Variants in MAP3K5 observed in about 807,000 individuals in gnomAD.
MAP3K5 encodes the protein ASK-1.
In MAP3K5, 56 loss-of-function variants were observed where a neutral mutation model predicts 158.7. The observed-to-expected ratio is 0.35, with a 90% CI of 0.28 to 0.44. The LOEUF (loss-of-function observed/expected upper bound fraction) is 0.44. Among genes scored for constraint, MAP3K5 ranks in the 20% least tolerant of loss-of-function variants. MAP3K5 has a pLI of 1.00. For missense variants in MAP3K5, 1,294 were observed against 1,674.8 expected, an observed-to-expected ratio of 0.77 and a Z score of 3.97; for synonymous variants, 579 against 601.7, an observed-to-expected ratio of 0.96 and a Z score of 0.55.
intron 8 of MAP3K5, among the ~76,000 whole-genome samples, chr6:136,665,600 C>T (rs1384948800): frequency 6.6e-6 from 1 of 152,128 alleles, no homozygotes; most frequent in African/African-American, 2.4e-5. Context: ...CCCGCCTCCG[C>T]CTCCCAAAGT....
chr6:136,617,056 T>C (rs573298229), intron 15 of MAP3K5, among the ~76,000 whole-genome samples: 1 of 152,250 alleles, frequency 6.6e-6, no homozygotes, highest in East Asian at 1.9e-4. Flanking sequence ...CACCTCCTGA[T>C]TCTCTACTGA....
chr6:136,735,924 C>CA, intron 1 of MAP3K5, among the ~76,000 whole-genome samples: 1 of 152,030 alleles, frequency 6.6e-6, no homozygotes, highest in Non-Finnish European at 1.5e-5. Context: ...CATTCCTTAT[C>CA]AAAAAAGCAT....
At chr6:136,635,163 T>C (rs1002791796) in intron 14 of MAP3K5, among the ~76,000 whole-genome samples, 3 of 151,790 alleles carry the variant, frequency 2.0e-5, no homozygotes, top group Non-Finnish European at 4.4e-5. Flanking sequence ...ATTTGTAACA[T>C]TGAAGAATAC....
intron 1 of MAP3K5, among the ~76,000 whole-genome samples, chr6:136,738,693 T>C (rs1014470111): frequency 1.3e-5 from 2 of 152,144 alleles, no homozygotes; most frequent in South Asian, 4.1e-4. Flanking sequence ...ATATGTATAT[T>C]AGCCATCAGA....
At chr6:136,743,803 TA>T (rs1562665756) in intron 1 of MAP3K5, among the ~76,000 whole-genome samples, 6 of 152,154 alleles carry the variant, frequency 3.9e-5, no homozygotes, top group Admixed American at 2.6e-4. Context: ...TTTCAGGATG[TA>T]AGTGGATAAA....
At chr6:136,749,287 C>T (rs914784714) in intron 1 of MAP3K5, among the ~76,000 whole-genome samples, 4 of 151,330 alleles carry the variant, frequency 2.6e-5, no homozygotes, top group Non-Finnish European at 5.9e-5. Flanking sequence ...GTAGGAGAAT[C>T]GCTTGAACCT....
chr6:136,692,540 G>GT (rs1416862620), intron 7 of MAP3K5, among the ~76,000 whole-genome samples: 1 of 152,094 alleles, frequency 6.6e-6, no homozygotes, highest in Non-Finnish European at 1.5e-5. Flanking sequence ...AACCTTTCCA[G>GT]TTTCTAGCTA....
intron 1 of MAP3K5, among the ~76,000 whole-genome samples, chr6:136,736,698 T>C (rs1469778271): frequency 6.6e-6 from 1 of 152,010 alleles, no homozygotes; most frequent in Non-Finnish European, 1.5e-5. Flanking sequence ...AAAACTAATG[T>C]TGTTGTTTTA....
At chr6:136,711,833 G>T (rs1225785416) in intron 2 of MAP3K5, among the ~76,000 whole-genome samples, 1 of 152,056 alleles carries the variant, frequency 6.6e-6, no homozygotes, top group African/African-American at 2.4e-5. Flanking sequence ...ATAGGAGGAG[G>T]TATTAATAAA....
At position 136,601,053 on chromosome 6, in the gene MAP3K5, A is replaced by C; in HGVS notation, c.2858-11T>G. ...ATCCAGCTGAAAGAGCTGTGGAAAG[A>C]AAAGCAAACAGCCATGAATAAGCAC... On this transcript the variant is annotated splice_polypyrimidine_tract_variant and intron_variant, in intron 20 of 29. Coordinates refer to ENST00000359015, the MANE Select transcript of MAP3K5 (RefSeq NM_005923.4). 6.2e-7 allele frequency: 1 copy of C among 1,613,850 alleles called. No homozygotes were observed. The highest frequency in any genetic ancestry group is 1.3e-5 in the African/African-American group (1 of 75,056).
intron 7 of MAP3K5, among the ~76,000 whole-genome samples, chr6:136,676,031 G>A (rs1779689095): frequency 6.6e-6 from 1 of 152,146 alleles, no homozygotes; most frequent in Non-Finnish European, 1.5e-5. Context: ...AAAATCACAT[G>A]TAAGCATGAC....
intron 7 of MAP3K5, among the ~76,000 whole-genome samples, chr6:136,685,058 G>GT (rs1387296365): frequency 6.6e-6 from 1 of 152,142 alleles, no homozygotes; most frequent in African/African-American, 2.4e-5. Context: ...GCTCACGCCT[G>GT]TAATCCCAGC....
rs771035804 is a variant in MAP3K5 at position 136,611,309 on chromosome 6, T to C, written c.2494A>G (p.Ile832Val). The C allele has an allele frequency of 2.5e-6, 4 of 1,613,144 alleles. No homozygotes were observed. The highest frequency in any genetic ancestry group is 1.7e-5 in the Admixed American group (1 of 59,986). ...GTAAAAGTTTCAGTACAGGGGTTTA[T>C]GCCAGCAAGCCTCTTTGATGTTCCG... ...DFGTSKRLAG[I>V]NPCTETFTGT... The change falls in exon 18 of 30, where the codon ATA (isoleucine) becomes GTA (valine). Residue 832 changes from isoleucine to valine, a missense_variant. Ile to Val is a conservative substitution (Grantham distance 29, BLOSUM62 3). Transcript: ENST00000359015.
chr6:136,674,493 A>C (rs995877238), intron 7 of MAP3K5, among the ~76,000 whole-genome samples: 5 of 152,014 alleles, frequency 3.3e-5, no homozygotes, highest in African/African-American at 1.2e-4. Flanking sequence ...GAGAAAATGT[A>C]ATACTAAGTT....
At chr6:136,639,439 C>A in intron 13 of MAP3K5, 104 bp downstream of exon 13, 2 of 581,978 alleles carry the variant, frequency 3.4e-6, no homozygotes, top group Non-Finnish European at 6.0e-6. Context: ...ATTTATATAA[C>A]CACATAGCCA....
At chr6:136,765,535 CAG>C (rs1201528512) in intron 1 of MAP3K5, among the ~76,000 whole-genome samples, 1 of 151,456 alleles carries the variant, frequency 6.6e-6, no homozygotes, top group African/African-American at 2.4e-5. Flanking sequence ...TTTTTTGAGA[CAG>C]AGTCTCGCTC....
At chr6:136,706,876 G>T (rs115096869) in intron 2 of MAP3K5, among the ~76,000 whole-genome samples, 1 of 152,240 alleles carries the variant, frequency 6.6e-6, no homozygotes. Flanking sequence ...GCCTGGTGCC[G>T]TGGCTGACGC....
intron 14 of MAP3K5, among the ~76,000 whole-genome samples, chr6:136,626,217 G>A (rs1350829555): frequency 6.6e-6 from 1 of 151,898 alleles, no homozygotes; most frequent in East Asian, 1.9e-4. Context: ...AAGGCAGTCG[G>A]GTGGTGTCTT....
At chr6:136,709,266 G>C (rs923108897) in intron 2 of MAP3K5, among the ~76,000 whole-genome samples, 1 of 152,112 alleles carries the variant, frequency 6.6e-6, no homozygotes, top group African/African-American at 2.4e-5. Context: ...ATAAATTAAT[G>C]AATGTATAAA....
Sources: gnomAD v4.1 joint callset for allele counts (sites outside exome capture counted in the v4.1 genomes callset) on GRCh38, gnomAD v4.1.1 for gene constraint, MANE v1.5 for transcripts, NCBI Gene and HGNC (gene_info 2026-07-23, HGNC 2026-07-21) for gene names.